The following PPP1R14D variants were observed in gnomAD, a reference collection of about 807,000 sequenced individuals.
PPP1R14D encodes the protein protein phosphatase 1 regulatory inhibitor subunit 14D, also known as protein phosphatase 1 regulatory subunit 14D.
A neutral mutation model predicts 17.1 loss-of-function variants in PPP1R14D; 14 were observed. The ratio of observed to expected loss-of-function variants is 0.82; its 90% confidence interval spans 0.54 to 1.28. The LOEUF is 1.28. Ranked by LOEUF, PPP1R14D falls within the 50% of genes most tolerant of loss-of-function variation. The pLI, the probability that PPP1R14D is intolerant of heterozygous loss-of-function variation, is 0.00. For missense variants in PPP1R14D, 173 were observed against 179.2 expected (o/e 0.97, Z 0.20); for synonymous variants, 67 against 66.1 (o/e 1.01, Z -0.06).
rs920606278 is a variant in PPP1R14D, at chr15:40,824,630, A to G, written c.255+3757T>C. Among the ~76,000 whole-genome samples the G allele has an allele frequency of 2.6e-5, 4 of 152,098 alleles. No individual in the cohort carries two copies. The East Asian group carries it at 7.7e-4, about 29-fold the overall frequency. On this transcript the variant is annotated intron_variant, in intron 1 of 3. Transcript: ENST00000299174. Reference sequence around the variant, plus strand: ...GCAATTTGCCCCTCTCAGCCTCCCAAAGTGCTGGGATCATAGACATGAGCC... The same window carrying G: ...GCAATTTGCCCCTCTCAGCCTCCCAGAGTGCTGGGATCATAGACATGAGCC...
At chr15:40,828,018 C>T (rs1890899665) in intron 1 of PPP1R14D, among the ~76,000 whole-genome samples, 1 of 152,130 alleles carries the variant, frequency 6.6e-6, no homozygotes, top group African/African-American at 2.4e-5. Context: ...CATGTATGTG[C>T]ATTGAACATG....
At chr15:40,821,993 C>G (rs1348397245) in intron 1 of PPP1R14D, among the ~76,000 whole-genome samples, 1 of 152,088 alleles carries the variant, frequency 6.6e-6, no homozygotes, top group East Asian at 1.9e-4. Flanking sequence ...AAGTATCAGT[C>G]TTGGTCAGGT....
At chr15:40,825,146 G>A (rs768399943) in intron 1 of PPP1R14D, among the ~76,000 whole-genome samples, 3 of 151,958 alleles carry the variant, frequency 2.0e-5, no homozygotes, top group Non-Finnish European at 2.9e-5. Context: ...TTAGCCAGGT[G>A]TGGTGGTCGG....
chr15:40,820,221 C>T (rs574550470), intron 1 of PPP1R14D, among the ~76,000 whole-genome samples: 43 of 137,178 alleles, frequency 3.1e-4, no homozygotes, highest in Middle Eastern at 9.5e-3. Flanking sequence ...TGCAGTGGTG[C>T]GATCTCGGCT....
chr15:40,821,321 T>TGA (rs1435309497), intron 1 of PPP1R14D, among the ~76,000 whole-genome samples: 2 of 151,010 alleles, frequency 1.3e-5, no homozygotes, highest in African/African-American at 4.9e-5. Flanking sequence ...GGTGACAGAG[T>TGA]GAGAGTCTGT....
rs781323205 is a variant in PPP1R14D at position 40,828,513 on chromosome 15, C to T, written c.129G>A (p.Pro43=). The change falls in exon 1 of 4, where the codon CCG becomes CCA. Residue 43 remains proline, a synonymous_variant. Coordinates refer to ENST00000299174, the MANE Select transcript of PPP1R14D (RefSeq NM_017726.8). ...SSTDSESKSH[P]DSSKIPRSRR... is the part of the protein sequence containing the mutation. ...GGGACCTGGGTATCTTGGAGGAGTC[C>T]GGGTGGGACTTGGACTCTGAGTCTG... 2.5e-5 allele frequency: 40 copies of T among 1,614,164 alleles called. No individual in the cohort carries two copies. The South Asian group carries it at 3.2e-4, about 13-fold the overall frequency.
chr15:40,818,025 A>T (rs939585131), intron 1 of PPP1R14D, among the ~76,000 whole-genome samples: 1 of 151,996 alleles, frequency 6.6e-6, no homozygotes, highest in Non-Finnish European at 1.5e-5. Flanking sequence ...GTGCGGTGGC[A>T]CACGCCTGTA....
intron 1 of PPP1R14D, among the ~76,000 whole-genome samples, chr15:40,821,865 C>T (rs1890783667): frequency 6.6e-6 from 1 of 152,144 alleles, no homozygotes; most frequent in Admixed American, 6.5e-5. Flanking sequence ...GAGGCGGAGG[C>T]TGCGGTGAGG....
intron 1 of PPP1R14D, among the ~76,000 whole-genome samples, chr15:40,824,699 T>C (rs1890841632): frequency 6.6e-6 from 1 of 152,176 alleles, no homozygotes; most frequent in Admixed American, 6.6e-5. Context: ...AAAAGTTTAA[T>C]AGAATTATTA....
At chr15:40,824,283 G>A (rs1302945256) in intron 1 of PPP1R14D, among the ~76,000 whole-genome samples, 1 of 152,014 alleles carries the variant, frequency 6.6e-6, no homozygotes, top group Non-Finnish European at 1.5e-5. Context: ...AATTAAATAA[G>A]GCTCAGATGA....
intron 2 of PPP1R14D, 69 bp downstream of exon 2, chr15:40,816,101 C>G: frequency 6.3e-7 from 1 of 1,598,956 alleles, no homozygotes; most frequent in Non-Finnish European, 8.6e-7. Context: ...CTGCACTCCA[C>G]CAAAGGAGGC....
chr15:40,815,535 A>G lies in PPP1R14D; in HGVS notation c.*161T>C. 1 of 923,662 alleles carries G rather than the reference A, an allele frequency of 1.1e-6. No individual in the cohort carries two copies. Among genetic ancestry groups the G allele is most frequent in the African/African-American group, 1.7e-5 (1 of 59,564 alleles). The allele number at this position is 923,662 out of a possible 1,614,324, so 57.2% of individuals were successfully genotyped here. On this transcript the variant is annotated 3_prime_UTR_variant, in exon 4 of 4. Coordinates refer to ENST00000299174, the MANE Select transcript of PPP1R14D (RefSeq NM_017726.8). ...CTTTCTCCCAGAGAGCCCAGCTGAC[A>G]GAAACTAGCTGTGACCACACAGACA...
At chr15:40,818,472 A>G (rs1280017894) in intron 1 of PPP1R14D, among the ~76,000 whole-genome samples, 2 of 152,174 alleles carry the variant, frequency 1.3e-5, no homozygotes, top group Non-Finnish European at 2.9e-5. Flanking sequence ...TCAAGCCAGG[A>G]AGAGTCATCG....
At chr15:40,821,653 C>T (rs1029791241) in intron 1 of PPP1R14D, among the ~76,000 whole-genome samples, 1 of 152,086 alleles carries the variant, frequency 6.6e-6, no homozygotes, top group Non-Finnish European at 1.5e-5. Context: ...CTAGGCCAGG[C>T]GTGGTGGCTC....
At position 40,826,735 on chromosome 15, in the gene PPP1R14D, A is replaced by G. The variant is rs540922743; in HGVS notation, c.255+1652T>C. Among the ~76,000 whole-genome samples the G allele has an allele frequency of 4.6e-5, 7 of 152,332 alleles. No individual in the cohort carries two copies. The East Asian group carries it at 1.4e-3, about 29-fold the overall frequency. On this transcript the variant is annotated intron_variant, in intron 1 of 3. Coordinates refer to ENST00000299174, the MANE Select transcript of PPP1R14D (RefSeq NM_017726.8). ...GTAATCCCAGCATTTTGAGAAGCCAAGATTGGAGGATCGTTCGAGCCCAGG... is the reference window on the plus strand; with the variant it reads ...GTAATCCCAGCATTTTGAGAAGCCAGGATTGGAGGATCGTTCGAGCCCAGG...
chr15:40,828,332 G>T, intron 1 of PPP1R14D, 55 bp downstream of exon 1: 1 of 1,524,456 alleles, frequency 6.6e-7, no homozygotes, highest in Admixed American at 2.2e-5. Context: ...AGGTCTCAGT[G>T]CCCTGGGTGG....
chr15:40,825,279 C>G (rs1006090512), intron 1 of PPP1R14D, among the ~76,000 whole-genome samples: 1 of 145,426 alleles, frequency 6.9e-6, no homozygotes, highest in Non-Finnish European at 1.5e-5. Context: ...GAGTGAAACT[C>G]TGTCTCAAAA....
At chr15:40,819,200 A>T (rs540861259) in intron 1 of PPP1R14D, among the ~76,000 whole-genome samples, 1 of 152,350 alleles carries the variant, frequency 6.6e-6, no homozygotes, top group South Asian at 2.1e-4. Context: ...AGTACAGTTT[A>T]GTGCCACTTT....
chr15:40,818,903 T>C (rs1890722969), intron 1 of PPP1R14D, among the ~76,000 whole-genome samples: 1 of 152,156 alleles, frequency 6.6e-6, no homozygotes, highest in African/African-American at 2.4e-5. Flanking sequence ...ACAAATAATA[T>C]ATAACCTTGC....
Sources: gnomAD v4.1 joint callset for allele counts (sites outside exome capture counted in the v4.1 genomes callset) on GRCh38, gnomAD v4.1.1 for gene constraint, MANE v1.5 for transcripts, NCBI Gene and HGNC (gene_info 2026-07-23, HGNC 2026-07-21) for gene names.